Variants in E2F3 observed in about 807,000 individuals in gnomAD.
E2F3 encodes transcription factor E2F3.
In E2F3, 11 loss-of-function variants were observed where a neutral mutation model predicts 44.4. The observed-to-expected ratio is 0.25, with a 90% CI of 0.16 to 0.41. The LOEUF (loss-of-function observed/expected upper bound fraction) is 0.41. Among genes scored for constraint, E2F3 ranks in the 10% least tolerant of loss-of-function variants. The probability of loss-of-function intolerance (pLI) is 1.00; values close to 1 mark genes in which losing one functional copy is unlikely to be tolerated. For missense variants in E2F3, 487 were observed against 583.6 expected (o/e 0.83, Z 1.70); for synonymous variants, 249 against 253.0 (o/e 0.98, Z 0.15).
intron 1 of E2F3, among the ~76,000 whole-genome samples, chr6:20,450,964 T>C (rs1761111344): frequency 6.6e-6 from 1 of 152,158 alleles, no homozygotes; most frequent in African/African-American, 2.4e-5. Context: ...TTCTGGGCTC[T>C]CATTCTGTCC....
intron 1 of E2F3, among the ~76,000 whole-genome samples, chr6:20,470,341 A>G (rs1217971187): frequency 1.3e-5 from 2 of 152,224 alleles, no homozygotes; most frequent in Non-Finnish European, 2.9e-5. Flanking sequence ...CTTTATAATC[A>G]TATGCCCATG....
intron 1 of E2F3, among the ~76,000 whole-genome samples, chr6:20,478,661 T>G (rs2127619396): frequency 6.6e-6 from 1 of 152,134 alleles, no homozygotes; most frequent in South Asian, 2.1e-4. Context: ...ATACAAAAAT[T>G]AGCTGGGAGT....
chr6:20,473,982 G>A (rs1478267352), intron 1 of E2F3, among the ~76,000 whole-genome samples: 2 of 152,100 alleles, frequency 1.3e-5, no homozygotes, highest in Non-Finnish European at 2.9e-5. Flanking sequence ...TAGAAACTAA[G>A]AACATCAGTA....
At chr6:20,467,309 GGCATGAATACAA>G (rs759141834) in intron 1 of E2F3, among the ~76,000 whole-genome samples, 32 of 152,130 alleles carry the variant, frequency 2.1e-4, no homozygotes, top group Non-Finnish European at 3.8e-4. Context: ...GGCCCCACAT[GGCATGAATACAA>G]AGTGTATCAG....
At chr6:20,454,244 A>G (rs1020899444) in intron 1 of E2F3, among the ~76,000 whole-genome samples, 1 of 152,254 alleles carries the variant, frequency 6.6e-6, no homozygotes, top group African/African-American at 2.4e-5. Context: ...ACAGAATCAG[A>G]GACCCTGTGT....
chr6:20,441,274 T>C (rs1026763509), intron 1 of E2F3, among the ~76,000 whole-genome samples: 2 of 152,238 alleles, frequency 1.3e-5, no homozygotes, highest in Admixed American at 6.5e-5. Flanking sequence ...CTTCTGTATC[T>C]GCCTTATTTC....
intron 1 of E2F3, among the ~76,000 whole-genome samples, chr6:20,466,127 G>C (rs1437254790): frequency 2.0e-5 from 3 of 151,802 alleles, no homozygotes; most frequent in Non-Finnish European, 2.9e-5. Flanking sequence ...CGGGGCGGGG[G>C]GTGTGGGCAG....
chr6:20,460,358 G>C (rs1761459422), intron 1 of E2F3, among the ~76,000 whole-genome samples: 1 of 152,068 alleles, frequency 6.6e-6, no homozygotes, highest in African/African-American at 2.4e-5. Context: ...CTTCCTTCCA[G>C]GCCTTTTTCT....
rs1248435670 is a variant in E2F3 at position 20,418,796 on chromosome 6, C to T, written c.393+16171C>T. On this transcript the variant is annotated intron_variant, in intron 1 of 6. Coordinates refer to ENST00000346618, the MANE Select transcript of E2F3 (RefSeq NM_001949.5). ...CACTGTCATTCACCCACCCAGGTGT[C>T]CAGTTCCATGACTCTGGTGTGAAAC... 2.0e-5 allele frequency among the ~76,000 whole-genome samples: 3 copies of T among 151,828 alleles called. No individual in the cohort carries two copies. The East Asian group carries it at 5.8e-4, about 29-fold the overall frequency.
chr6:20,477,764 A>G (rs1762094179), intron 1 of E2F3, among the ~76,000 whole-genome samples: 1 of 152,246 alleles, frequency 6.6e-6, no homozygotes, highest in African/African-American at 2.4e-5. Flanking sequence ...TTTACTATTC[A>G]TTACTGGAAG....
rs1482170052 is a variant in E2F3, at chr6:20,402,742, C to T, written c.393+117C>T. ...GAGCACTGGGCCGAGCATCGTGGGC[C>T]TCGGGGGCTGCCCCTCCAACGAGGG... On this transcript the variant is annotated intron_variant, in intron 1 of 6. Transcript: ENST00000346618. This position sits in a 1 kb window ranked among gnomAD's most constrained non-coding sequence, Gnocchi z 5.6. The T allele has an allele frequency of 1.6e-6, 2 of 1,248,200 alleles. No individual in the cohort carries two copies. The highest frequency in any genetic ancestry group is 1.6e-5 in the African/African-American group (1 of 63,896). The allele number at this position is 1,248,200 out of a possible 1,614,324, so 77.3% of individuals were successfully genotyped here.
intron 5 of E2F3, among the ~76,000 whole-genome samples, chr6:20,487,289 A>AT (rs982338175): frequency 4.6e-5 from 7 of 152,188 alleles, no homozygotes. Context: ...ATATACTTGG[A>AT]TAATAGAGGC....
chr6:20,451,723 AGG>A (rs1561867179), intron 1 of E2F3, among the ~76,000 whole-genome samples: 2 of 152,118 alleles, frequency 1.3e-5, no homozygotes, highest in Non-Finnish European at 2.9e-5. Flanking sequence ...TAATATTTTG[AGG>A]TATGTTCATT....
chr6:20,404,017 G>C (rs1299117065), intron 1 of E2F3, among the ~76,000 whole-genome samples: 2 of 152,180 alleles, frequency 1.3e-5, no homozygotes, highest in Non-Finnish European at 2.9e-5. Context: ...TCCGGTTCTA[G>C]GAACCTCGGG....
chr6:20,424,591 A>T (rs918881590), intron 1 of E2F3, among the ~76,000 whole-genome samples: 1 of 132,376 alleles, frequency 7.6e-6, no homozygotes, highest in Admixed American at 7.2e-5. Flanking sequence ...CCTGTTACAT[A>T]CTTTTTTTTT....
At chr6:20,441,895 A>C (rs1260299832) in intron 1 of E2F3, among the ~76,000 whole-genome samples, 1 of 151,962 alleles carries the variant, frequency 6.6e-6, no homozygotes, top group Non-Finnish European at 1.5e-5. Context: ...AGGAACTATC[A>C]AACTGTTTTC....
At chr6:20,460,543 A>G (rs569253677) in intron 1 of E2F3, among the ~76,000 whole-genome samples, 1 of 152,186 alleles carries the variant, frequency 6.6e-6, no homozygotes, top group Non-Finnish European at 1.5e-5. Flanking sequence ...TTATTTAACC[A>G]TTCCCTTTTA....
chr6:20,455,115 A>G (rs1386986520), intron 1 of E2F3, among the ~76,000 whole-genome samples: 1 of 152,256 alleles, frequency 6.6e-6, no homozygotes, highest in East Asian at 1.9e-4. Context: ...TATCAAATGC[A>G]AGAAAATGGT....
rs1313438042 is a variant in E2F3 at position 20,481,387 on chromosome 6, C to T, written c.687C>T (p.His229=). 6.2e-6 allele frequency: 10 copies of T among 1,614,090 alleles called. 1 individual carries two copies. The South Asian group carries it at 7.7e-5, about 12-fold the overall frequency. Residue 229 remains histidine, a synonymous_variant, in exon 3 of 7, where the codon CAC becomes CAT. Coordinates refer to ENST00000346618, the MANE Select transcript of E2F3 (RefSeq NM_001949.5). ...YDITNVLEGI[H]LIKKKSKNNV... The stretch of plus-strand genomic sequence containing the variant: ...TCACCAACGTTCTGGAAGGCATCCA[C>T]CTCATTAAGAAGAAGTCTAAAAACA...
Sources: allele counts gnomAD v4.1 joint callset (sites outside exome capture counted in the v4.1 genomes callset), GRCh38; gene constraint gnomAD v4.1.1; non-coding constraint Gnocchi (gnomAD v3.1); transcripts MANE v1.5; gene names NCBI Gene and HGNC (gene_info 2026-07-23, HGNC 2026-07-21).